Variants in SYNE1 observed in about 807,000 individuals in gnomAD.
SYNE1 encodes nesprin-1.
SYNE1 carries 616 observed loss-of-function variants against 1,111.0 expected under a neutral mutation model. The observed-to-expected ratio is 0.55, with a 90% CI of 0.52 to 0.59. The LOEUF is 0.59. Among genes scored for constraint, SYNE1 ranks in the 20% least tolerant of loss-of-function variants. The probability of loss-of-function intolerance (pLI) is 0.00; values close to 1 mark genes in which losing one functional copy is unlikely to be tolerated. For missense variants in SYNE1, 10,006 were observed against 10,417.0 expected, an observed-to-expected ratio of 0.96 and a Z score of 1.72; for synonymous variants, 3,855 against 3,825.8, an observed-to-expected ratio of 1.01 and a Z score of -0.28.
chr6:152,124,684 T>C (rs1585389680), intron 145 of SYNE1, among the ~76,000 whole-genome samples: 1 of 85,750 alleles, frequency 1.2e-5, no homozygotes. Context: ...TTATTCCTAA[T>C]AAGCTGAGGG....
chr6:152,549,962 C>T (rs185108081), intron 3 of SYNE1, among the ~76,000 whole-genome samples: 3 of 152,176 alleles, frequency 2.0e-5, no homozygotes, highest in East Asian at 1.9e-4. Context: ...TAATTATCTC[C>T]GTTCCTAAGT....
intron 46 of SYNE1, among the ~76,000 whole-genome samples, chr6:152,403,831 T>C (rs1292965723): frequency 6.6e-6 from 1 of 152,002 alleles, no homozygotes; most frequent in South Asian, 2.1e-4. Flanking sequence ...GCTTCCGAAA[T>C]TCAGTAGGCA....
At chr6:152,473,507 A>C (rs2098818489) in intron 14 of SYNE1, among the ~76,000 whole-genome samples, 1 of 152,114 alleles carries the variant, frequency 6.6e-6, no homozygotes, top group African/African-American at 2.4e-5. Context: ...GGGCCAAACT[A>C]TTTCTAACCT....
chr6:152,260,402 G>C (rs2091797779), intron 101 of SYNE1, among the ~76,000 whole-genome samples: 1 of 152,120 alleles, frequency 6.6e-6, no homozygotes, highest in Middle Eastern at 3.2e-3. Context: ...CACGCAAAAA[G>C]TATAGGGCAC....
chr6:152,374,451 G>A (rs765858984), intron 58 of SYNE1, among the ~76,000 whole-genome samples: 3 of 152,120 alleles, frequency 2.0e-5, no homozygotes, highest in Non-Finnish European at 4.4e-5. Flanking sequence ...GTGGTGGGAG[G>A]GTCAGAGAAA....
At chr6:152,462,583 CA>C (rs1385350390) in intron 20 of SYNE1, 154 bp downstream of exon 20, 4 of 762,162 alleles carry the variant, frequency 5.2e-6, no homozygotes, top group Non-Finnish European at 8.7e-6. Flanking sequence ...ATGTTCAATA[CA>C]TTTTTTTCTG....
chr6:152,438,011 C>T (rs2098490308), intron 32 of SYNE1, among the ~76,000 whole-genome samples: 1 of 151,992 alleles, frequency 6.6e-6, no homozygotes, highest in Non-Finnish European at 1.5e-5. Flanking sequence ...GAGACTCTGT[C>T]TCAAAAAAGA....
chr6:152,448,235 A>G (rs2098609419), intron 28 of SYNE1, among the ~76,000 whole-genome samples: 1 of 152,238 alleles, frequency 6.6e-6, no homozygotes, highest in African/African-American at 2.4e-5. Flanking sequence ...AATGCTAGAA[A>G]GACTCCAGGG....
chr6:152,385,665 T>A lies in SYNE1; in HGVS notation c.8652+9A>T. 1 of 1,614,064 alleles carries A rather than the reference T, an allele frequency of 6.2e-7. No homozygotes were observed. The highest frequency in any genetic ancestry group is 8.5e-7 in the Non-Finnish European group (1 of 1,179,938). On this transcript the variant is annotated intron_variant, in intron 55 of 145. Coordinates refer to ENST00000367255, the MANE Select transcript of SYNE1 (RefSeq NM_182961.4). ...GCAATGTAGATATAGCATCTGTTCA[T>A]TTCCTGACCTTAATTTTTGATAACT...
intron 89 of SYNE1, 102 bp from the exon 90 acceptor site, chr6:152,310,119 T>A: frequency 1.5e-6 from 2 of 1,300,214 alleles, no homozygotes; most frequent in African/African-American, 5.5e-5. Context: ...ATAAACATTT[T>A]GCAAAAAAAA....
At chr6:152,417,848 T>C (rs751169363) in intron 40 of SYNE1, among the ~76,000 whole-genome samples, 13 of 152,198 alleles carry the variant, frequency 8.5e-5, no homozygotes, top group Non-Finnish European at 1.8e-4. Context: ...TCTAAATGTT[T>C]AATTTTTTTA....
chr6:152,491,056 G>GTTT, intron 11 of SYNE1, among the ~76,000 whole-genome samples: 1 of 152,250 alleles, frequency 6.6e-6, no homozygotes, highest in Non-Finnish European at 1.5e-5. Flanking sequence ...TTCCCTTGGT[G>GTTT]TTTAATCACC....
chr6:152,425,287 A>C (rs1472149176), intron 39 of SYNE1, 94 bp downstream of exon 39: 7 of 1,397,516 alleles, frequency 5.0e-6, no homozygotes, highest in Non-Finnish European at 7.0e-6. Flanking sequence ...AGTTGAGTTA[A>C]ATAAAAGTAA....
intron 101 of SYNE1, among the ~76,000 whole-genome samples, chr6:152,257,219 G>A (rs1005634173): frequency 2.0e-5 from 3 of 152,126 alleles, no homozygotes; most frequent in Admixed American, 6.5e-5. Context: ...CCAGAAATAT[G>A]TACAAATATT....
intron 51 of SYNE1, among the ~76,000 whole-genome samples, 181 bp downstream of exon 51, chr6:152,395,335 C>G (rs574354754): frequency 6.6e-6 from 1 of 152,288 alleles, no homozygotes; most frequent in South Asian, 2.1e-4. Context: ...TGCACTCTCA[C>G]CAGAATACTG....
Position 152,206,162 on chromosome 6 carries a change from A to G in SYNE1, c.23019+6T>C, listed in dbSNP as rs763719965. 1 of 1,613,152 alleles carries G rather than the reference A, an allele frequency of 6.2e-7. No individual in the cohort carries two copies. Among genetic ancestry groups the G allele is most frequent in the Non-Finnish European group, 8.5e-7 (1 of 1,179,976 alleles). ...TTTTGGTTCGTTTTTTTCTAACTGAACTTACTTTCAACAAGAAGGCTAGTT... is the reference window on the plus strand; with the variant it reads ...TTTTGGTTCGTTTTTTTCTAACTGAGCTTACTTTCAACAAGAAGGCTAGTT... On this transcript the variant is annotated splice_donor_region_variant and intron_variant, in intron 126 of 145. Coordinates refer to ENST00000367255, the MANE Select transcript of SYNE1 (RefSeq NM_182961.4).
At chr6:152,353,504 A>T in intron 68 of SYNE1, 71 bp from the exon 69 acceptor site, 1 of 1,613,076 alleles carries the variant, frequency 6.2e-7, no homozygotes, top group Middle Eastern at 1.7e-4. Flanking sequence ...ATGAATATGT[A>T]TCTTCACTGG....
chr6:152,592,154 A>C (rs1120879), intron 3 of SYNE1, among the ~76,000 whole-genome samples: 3,315 of 152,184 alleles, frequency 0.022, 125 homozygotes, highest in African/African-American at 0.075. Context: ...TTCGACCCAG[A>C]AATCTTATTA....
chr6:152,544,327 G>A (rs139560334), intron 3 of SYNE1, among the ~76,000 whole-genome samples: 44 of 152,164 alleles, frequency 2.9e-4, no homozygotes, highest in Non-Finnish European at 5.7e-4. Context: ...AACCTAAATC[G>A]TAAATGGTTC....
Sources: gnomAD v4.1 joint callset for allele counts (sites outside exome capture counted in the v4.1 genomes callset) on GRCh38, gnomAD v4.1.1 for gene constraint, MANE v1.5 for transcripts, NCBI Gene and HGNC (gene_info 2026-07-23, HGNC 2026-07-21) for gene names.